The following LOXHD1 variants were observed in gnomAD, a reference collection of about 807,000 sequenced individuals.
The protein encoded by LOXHD1 is lipoxygenase homology PLAT domains 1, also known as lipoxygenase homology domain-containing protein 1.
In LOXHD1, 205 loss-of-function variants were observed where a neutral mutation model predicts 248.2. The observed-to-expected ratio is 0.83, with a 90% CI of 0.74 to 0.93. The LOEUF (loss-of-function observed/expected upper bound fraction) is 0.93. Ranked by LOEUF, LOXHD1 falls within the 40% of genes least tolerant of loss-of-function variation. LOXHD1 has a pLI of 0.00. For synonymous variants in LOXHD1, 1,113 were observed against 1,162.8 expected (o/e 0.96, Z 0.87); for missense variants, 2,930 against 2,971.6 (o/e 0.99, Z 0.33).
chr18:46,493,979 T>C (rs567720600), intron 37 of LOXHD1, among the ~76,000 whole-genome samples: 1 of 152,332 alleles, frequency 6.6e-6, no homozygotes, highest in Non-Finnish European at 1.5e-5. Flanking sequence ...CCTTTGGCAT[T>C]TCCTTTCTCC....
At chr18:46,573,338 C>T (rs994634720) in intron 14 of LOXHD1, among the ~76,000 whole-genome samples, 5 of 152,144 alleles carry the variant, frequency 3.3e-5, no homozygotes, top group South Asian at 4.1e-4. Context: ...ACACTGGGCA[C>T]GGAGACTCAG....
chr18:46,637,490 A>C (rs1358338517), intron 4 of LOXHD1, among the ~76,000 whole-genome samples: 3 of 152,210 alleles, frequency 2.0e-5, no homozygotes, highest in African/African-American at 7.2e-5. Context: ...TGTGCTAACG[A>C]TTGATCATAG....
At chr18:46,655,986 C>T (rs2039176267) in intron 1 of LOXHD1, among the ~76,000 whole-genome samples, 1 of 152,142 alleles carries the variant, frequency 6.6e-6, no homozygotes, top group African/African-American at 2.4e-5. Context: ...ACAAACAAGG[C>T]CATGGGCAGG....
chr18:46,557,896 A>T (rs1408240168), intron 20 of LOXHD1: 5 of 1,107,932 alleles, frequency 4.5e-6, no homozygotes, highest in Non-Finnish European at 5.5e-6. Context: ...TATTTGTATT[A>T]AGTACCTGCT....
chr18:46,577,735 T>C lies in LOXHD1; in HGVS notation c.1942A>G (p.Ser648Gly). ...AGACATGGGAACTCCACGTTGTCGC[T>C]CTCAGGCTGCCCCTCCTCTCTCACC... ...VLVREEGQPESDNVEFPCLRW... is the reference protein window; with the variant it reads ...VLVREEGQPEGDNVEFPCLRW... The change falls in exon 14 of 41, where the codon AGC becomes GGC. Residue 648 changes from serine to glycine, a missense_variant. Ser to Gly is a moderately conservative substitution (Grantham distance 56, BLOSUM62 0). Coordinates refer to ENST00000642948, the MANE Select transcript of LOXHD1 (RefSeq NM_001384474.1). 1 of 1,551,540 alleles carries C rather than the reference T, an allele frequency of 6.4e-7. No individual in the cohort carries two copies. The highest frequency in any genetic ancestry group is 8.7e-7 in the Non-Finnish European group (1 of 1,146,906).
intron 28 of LOXHD1, 118 bp downstream of exon 28, chr18:46,533,044 G>C (rs2036143622): frequency 9.1e-7 from 1 of 1,097,940 alleles, no homozygotes. Flanking sequence ...AGAGAGTGGA[G>C]GTAACAACAG....
intron 24 of LOXHD1, 73 bp from the exon 25 acceptor site, chr18:46,542,013 C>G: frequency 7.2e-7 from 1 of 1,384,190 alleles, no homozygotes; most frequent in Non-Finnish European, 9.7e-7. Context: ...ACTTCAGGGA[C>G]TCCTGACTTC....
At chr18:46,589,243 A>C (rs1052707127) in intron 12 of LOXHD1, among the ~76,000 whole-genome samples, 3 of 152,180 alleles carry the variant, frequency 2.0e-5, no homozygotes, top group African/African-American at 7.2e-5. Context: ...GGTACATCTG[A>C]AGCCTGTTAG....
chr18:46,639,961 G>C (rs888126929), intron 3 of LOXHD1, among the ~76,000 whole-genome samples, 161 bp from the exon 4 acceptor site: 5 of 152,150 alleles, frequency 3.3e-5, no homozygotes, highest in Non-Finnish European at 7.4e-5. Flanking sequence ...ATAAAATGGG[G>C]ATACCTTGCA....
At chr18:46,491,014 T>C (rs1447193752) in intron 37 of LOXHD1, among the ~76,000 whole-genome samples, 4 of 152,112 alleles carry the variant, frequency 2.6e-5, no homozygotes, top group Non-Finnish European at 4.4e-5. Context: ...GCTGAAGCAG[T>C]GCTCAAACAC....
intron 21 of LOXHD1, chr18:46,556,751 C>T (rs1042122979): frequency 1.0e-5 from 2 of 196,224 alleles, no homozygotes; most frequent in African/African-American, 2.4e-5. Flanking sequence ...CACTCTCATC[C>T]TCCAACGTCA....
At chr18:46,557,284 A>G in intron 21 of LOXHD1, 72 bp downstream of exon 21, 1 of 1,517,884 alleles carries the variant, frequency 6.6e-7, no homozygotes, top group Non-Finnish European at 8.9e-7. Flanking sequence ...GTCTTCTTCC[A>G]GGACTACCTC....
At position 46,639,669 on chromosome 18, in the gene LOXHD1, C is replaced by T. The variant is rs778691392; in HGVS notation, c.458G>A (p.Arg153His). 37 of 1,551,598 alleles carry T rather than the reference C, an allele frequency of 2.4e-5. No individual in the cohort carries two copies. In the Middle Eastern group the frequency reaches 5.0e-4, roughly 21 times the overall value. The change falls in exon 4 of 41, where the codon CGC becomes CAC. Residue 153 changes from arginine to histidine, a missense_variant. By Grantham distance (29) the Arg-to-His change is conservative (BLOSUM62 0). Transcript: ENST00000642948. ...NNWLSKVEGD[R>H]QWCRDLLASF... is the part of the protein sequence containing the mutation. ...GGCCAGCAGGTCACGGCACCACTGG[C>T]GGTCACCTTCCACCTTGCTCAGCCA...
chr18:46,545,657 T>A (rs1196940084), intron 22 of LOXHD1, among the ~76,000 whole-genome samples: 1 of 107,078 alleles, frequency 9.3e-6, no homozygotes, highest in Non-Finnish European at 2.0e-5. Context: ...TGAGACGGAG[T>A]CTCGCTCTGT....
At chr18:46,543,198 C>G (rs1370902724) in intron 23 of LOXHD1, among the ~76,000 whole-genome samples, 1 of 152,092 alleles carries the variant, frequency 6.6e-6, no homozygotes, top group Non-Finnish European at 1.5e-5. Flanking sequence ...TCCCCACAGT[C>G]CATTATATCA....
chr18:46,555,465 G>T, intron 21 of LOXHD1: 3 of 160,358 alleles, frequency 1.9e-5, no homozygotes, highest in Admixed American at 7.1e-5. Flanking sequence ...GTGGTTCAGT[G>T]TTCCCTCGGG....
Position 46,534,240 on chromosome 18 carries a change from C to G in LOXHD1, c.4212+95G>C, listed in dbSNP as rs937113253. The G allele has an allele frequency of 3.8e-6, 3 of 781,958 alleles. No homozygotes were observed. In the Admixed American group the frequency reaches 7.1e-5, roughly 18 times the overall value. 48.4% of individuals were successfully genotyped at this position (781,958 alleles called of 1,614,324 possible). A position where few individuals can be genotyped will look rare whatever the true frequency, so the allele number is the denominator to read the frequency against. On this transcript the variant is annotated intron_variant, in intron 27 of 40. Coordinates refer to ENST00000642948, the MANE Select transcript of LOXHD1 (RefSeq NM_001384474.1). ...TTATGAGATTTTTATCTCAATAAGG[C>G]TGATCTAGCCAGTAGGTCCTCACAG...
chr18:46,497,649 T>C (rs553757870), intron 37 of LOXHD1, among the ~76,000 whole-genome samples: 3 of 152,116 alleles, frequency 2.0e-5, no homozygotes, highest in Non-Finnish European at 4.4e-5. Context: ...TAAGTATAAT[T>C]AAATTTTATA....
At chr18:46,555,541 G>T (rs993285945) in intron 21 of LOXHD1, among the ~76,000 whole-genome samples, 2 of 152,180 alleles carry the variant, frequency 1.3e-5, no homozygotes, top group Non-Finnish European at 2.9e-5. Context: ...ACAGAGGGGA[G>T]CCCAACAAGT....
Sources: gnomAD v4.1 joint callset for allele counts (sites outside exome capture counted in the v4.1 genomes callset) on GRCh38, gnomAD v4.1.1 for gene constraint, MANE v1.5 for transcripts, NCBI Gene and HGNC (gene_info 2026-07-23, HGNC 2026-07-21) for gene names.